DLG2: variants seen among roughly 807,000 people sequenced by gnomAD.
DLG2 encodes the protein discs large MAGUK scaffold protein 2, also known as disks large homolog 2.
In DLG2, 45 loss-of-function variants were observed where a neutral mutation model predicts 132.5. The observed-to-expected ratio is 0.34, with a 90% CI of 0.27 to 0.44. The LOEUF is 0.44. DLG2 is among the 20% of genes least tolerant of loss of function. The pLI, the probability that DLG2 is intolerant of heterozygous loss-of-function variation, is 1.00. For synonymous variants in DLG2, 424 were observed against 419.6 expected (o/e 1.01, Z -0.13); for missense variants, 1,045 against 1,196.9 (o/e 0.87, Z 1.87).
chr11:84,352,423 G>T (rs540908179), intron 7 of DLG2, among the ~76,000 whole-genome samples: 1 of 152,164 alleles, frequency 6.6e-6, no homozygotes, highest in Admixed American at 6.5e-5. Flanking sequence ...ACGATAGAAA[G>T]AATAAAATGC....
At chr11:85,103,426 G>A (rs1248293063) in intron 6 of DLG2, among the ~76,000 whole-genome samples, 1 of 151,904 alleles carries the variant, frequency 6.6e-6, no homozygotes, top group Non-Finnish European at 1.5e-5. Flanking sequence ...TTGAAACAGA[G>A]TTGAAAGTCC....
intron 6 of DLG2, among the ~76,000 whole-genome samples, chr11:85,071,771 T>C (rs1290852172): frequency 6.6e-6 from 1 of 151,878 alleles, no homozygotes; most frequent in Non-Finnish European, 1.5e-5. Flanking sequence ...ATTTAAATTC[T>C]GGCGATTCAT....
intron 15 of DLG2, among the ~76,000 whole-genome samples, chr11:83,889,244 T>G (rs1242923938): frequency 6.6e-6 from 1 of 151,642 alleles, no homozygotes. Flanking sequence ...TACAATGAAC[T>G]CAAACAAATT....
At chr11:84,701,260 G>A (rs1193036503) in intron 6 of DLG2, among the ~76,000 whole-genome samples, 1 of 151,172 alleles carries the variant, frequency 6.6e-6, no homozygotes, top group Non-Finnish European at 1.5e-5. Flanking sequence ...TCTGTTTCAT[G>A]TCTACCTGAA....
intron 15 of DLG2, among the ~76,000 whole-genome samples, chr11:83,881,602 T>C (rs1338883170): frequency 1.3e-5 from 2 of 152,194 alleles, no homozygotes; most frequent in Non-Finnish European, 2.9e-5. Context: ...TCCAGTGTAA[T>C]AGTTAGTCCA....
intron 6 of DLG2, among the ~76,000 whole-genome samples, chr11:84,699,523 A>C (rs1284939846): frequency 6.6e-6 from 1 of 151,532 alleles, no homozygotes; most frequent in Non-Finnish European, 1.5e-5. Context: ...TAACTCAAGC[A>C]AAGTAAGAAA....
chr11:84,436,173 A>T (rs2099000186), intron 7 of DLG2, among the ~76,000 whole-genome samples: 1 of 152,110 alleles, frequency 6.6e-6, no homozygotes, highest in South Asian at 2.1e-4. Context: ...ATTCCAGCCC[A>T]ATCCTCCCCT....
chr11:84,885,729 C>T (rs1019938826), intron 6 of DLG2, among the ~76,000 whole-genome samples: 2 of 151,924 alleles, frequency 1.3e-5, no homozygotes, highest in African/African-American at 4.8e-5. Flanking sequence ...ATGTGGCTCC[C>T]GCTATAAGCA....
chr11:85,129,714 C>T (rs1283768386), intron 5 of DLG2, among the ~76,000 whole-genome samples: 1 of 152,010 alleles, frequency 6.6e-6, no homozygotes, highest in Non-Finnish European at 1.5e-5. Flanking sequence ...GTGTATATAC[C>T]CAAAAGATTA....
At chr11:85,028,571 G>C (rs662691) in intron 6 of DLG2, among the ~76,000 whole-genome samples, 81,818 of 152,034 alleles carry the variant, frequency 0.54, 22,639 homozygotes, top group East Asian at 0.67. Flanking sequence ...CCAGAGGGGG[G>C]GCTGAGGGGG....
At chr11:84,544,290 C>A (rs767671353) in intron 6 of DLG2, among the ~76,000 whole-genome samples, 5 of 152,120 alleles carry the variant, frequency 3.3e-5, no homozygotes, top group Non-Finnish European at 5.9e-5. Context: ...AACCACAGAC[C>A]TATGAACTGG....
chr11:85,430,617 A>T (rs1173680804), intron 3 of DLG2, among the ~76,000 whole-genome samples: 1 of 152,252 alleles, frequency 6.6e-6, no homozygotes, highest in Non-Finnish European at 1.5e-5. Flanking sequence ...TACTCCATAG[A>T]GCTCCCAAAA....
intron 6 of DLG2, among the ~76,000 whole-genome samples, chr11:84,928,746 A>G (rs1032610195): frequency 1.3e-5 from 2 of 151,508 alleles, no homozygotes; most frequent in African/African-American, 2.4e-5. Flanking sequence ...TCCTGAGATA[A>G]TAATACCCAA....
chr11:84,301,293 G>A (rs1314714511), intron 7 of DLG2, among the ~76,000 whole-genome samples: 1 of 152,016 alleles, frequency 6.6e-6, no homozygotes, highest in African/African-American at 2.4e-5. Flanking sequence ...CATCATCACT[G>A]GTCATTAGAG....
chr11:84,010,787 GCATT>G (rs2094846536), intron 11 of DLG2, among the ~76,000 whole-genome samples: 1 of 151,874 alleles, frequency 6.6e-6, no homozygotes. Flanking sequence ...AAACACTTGA[GCATT>G]ATTATCATTA....
At chr11:83,721,309 G>C (rs2088493010) in intron 18 of DLG2, among the ~76,000 whole-genome samples, 1 of 152,188 alleles carries the variant, frequency 6.6e-6, no homozygotes, top group Non-Finnish European at 1.5e-5. Context: ...CAATATGCAT[G>C]AATTTTCATT....
chr11:84,552,725 T>C (rs1042262145), intron 6 of DLG2, among the ~76,000 whole-genome samples: 1 of 152,218 alleles, frequency 6.6e-6, no homozygotes, highest in Non-Finnish European at 1.5e-5. Context: ...TCCTAATAAA[T>C]GTTTGTTAAG....
intron 16 of DLG2, among the ~76,000 whole-genome samples, chr11:83,839,916 G>T (rs1356466846): frequency 6.6e-6 from 1 of 151,984 alleles, no homozygotes; most frequent in Admixed American, 6.6e-5. Flanking sequence ...TTGACTTTTA[G>T]GATAAACTCC....
rs1251732804 is a variant in DLG2, at chr11:85,130,032, A to G, written c.283-18297T>C. Among the ~76,000 whole-genome samples the G allele has an allele frequency of 2.0e-5, 3 of 152,006 alleles. 1 individual carries two copies. The highest frequency in any genetic ancestry group is 2.0e-4 in the Admixed American group (3 of 15,242). ...GAGAACATATGGGCACAGGGAGGGGAGCATCACACACCGGGGCCTTTTGAG... is the reference window on the plus strand; with the variant it reads ...GAGAACATATGGGCACAGGGAGGGGGGCATCACACACCGGGGCCTTTTGAG... On this transcript the variant is annotated intron_variant, in intron 5 of 27. Transcript: ENST00000376104.
Sources: allele counts gnomAD v4.1 joint callset (sites outside exome capture counted in the v4.1 genomes callset), GRCh38; gene constraint gnomAD v4.1.1; transcripts MANE v1.5; gene names NCBI Gene and HGNC (gene_info 2026-07-23, HGNC 2026-07-21).